TMPRSS11B: variants seen among roughly 807,000 people sequenced by gnomAD.
TMPRSS11B encodes the protein transmembrane protease serine 11B.
TMPRSS11B carries 53 observed loss-of-function variants against 44.7 expected under a neutral mutation model. The observed-to-expected ratio is 1.19, with a 90% confidence interval of 0.95 to 1.49. The LOEUF (loss-of-function observed/expected upper bound fraction) is 1.49. Ranked by LOEUF, TMPRSS11B falls within the 40% of genes most tolerant of loss-of-function variation. TMPRSS11B has a pLI of 0.00. For missense variants in TMPRSS11B, 526 were observed against 494.8 expected, an observed-to-expected ratio of 1.06 and a Z score of -0.60; for synonymous variants, 140 against 159.2, an observed-to-expected ratio of 0.88 and a Z score of 0.91.
At chr4:68,231,406 G>C in intron 6 of TMPRSS11B, 26 bp from the exon 7 acceptor site, 2 of 1,566,624 alleles carry the variant, frequency 1.3e-6, no homozygotes, top group East Asian at 2.3e-5. Context: ...ATTTACACGA[G>C]AGCAGGTATC....
chr4:68,234,234 C>T (rs1290230948), intron 5 of TMPRSS11B, among the ~76,000 whole-genome samples: 1 of 151,940 alleles, frequency 6.6e-6, no homozygotes, highest in Non-Finnish European at 1.5e-5. Flanking sequence ...CAAACCCTTC[C>T]AAACTTACAT....
At position 68,228,845 on chromosome 4, in the gene TMPRSS11B, A is replaced by G; in HGVS notation, c.986T>C (p.Ile329Thr). The G allele has an allele frequency of 6.2e-7, 1 of 1,613,796 alleles. No homozygotes were observed. Among genetic ancestry groups the G allele is most frequent in the Non-Finnish European group, 8.5e-7 (1 of 1,179,876 alleles). ...PVILQEDFLKIIDNKICNASY... is the reference protein window; with the variant it reads ...PVILQEDFLKTIDNKICNASY... ...GGCATTGCAAATTTTGTTGTCAATA[A>G]TCTTCAAAAAGTCTTCTTGAAGTAT... is the stretch of plus-strand genomic sequence containing the variant. Residue 329 changes from isoleucine (I) to threonine (T), a missense_variant, in exon 9 of 10, where the codon ATT becomes ACT. Physicochemically the swap from Ile to Thr is moderately conservative, Grantham distance 89. Coordinates refer to ENST00000332644, the MANE Select transcript of TMPRSS11B (RefSeq NM_182502.3).
chr4:68,228,716 C>G, intron 9 of TMPRSS11B, 26 bp downstream of exon 9: 1 of 1,570,904 alleles, frequency 6.4e-7, no homozygotes, highest in Non-Finnish European at 8.6e-7. Flanking sequence ...TGGGAGAAAA[C>G]AACTGGATAA....
intron 2 of TMPRSS11B, among the ~76,000 whole-genome samples, chr4:68,238,275 A>G (rs1335095709): frequency 6.6e-6 from 1 of 152,162 alleles, no homozygotes. Flanking sequence ...TATGGTAACC[A>G]ATATATACAA....
At chr4:68,233,270 C>T (rs1719570100) in intron 5 of TMPRSS11B, among the ~76,000 whole-genome samples, 1 of 151,996 alleles carries the variant, frequency 6.6e-6, no homozygotes, top group South Asian at 2.1e-4. Flanking sequence ...TCACTGGTAA[C>T]GGGGTCTTTA....
At chr4:68,228,132 C>T in intron 9 of TMPRSS11B, 60 bp from the exon 10 acceptor site, 1 of 1,456,268 alleles carries the variant, frequency 6.9e-7, no homozygotes, top group South Asian at 1.4e-5. Context: ...TTTTACCTCT[C>T]CTGTGGAGTT....
chr4:68,233,536 G>T (rs940631099), intron 5 of TMPRSS11B, among the ~76,000 whole-genome samples: 3 of 152,038 alleles, frequency 2.0e-5, no homozygotes, highest in Non-Finnish European at 2.9e-5. Flanking sequence ...GGGAAAGAGG[G>T]ATAGATTGTT....
chr4:68,232,983 T>C (rs564633029), intron 5 of TMPRSS11B, among the ~76,000 whole-genome samples: 8 of 152,164 alleles, frequency 5.3e-5, no homozygotes, highest in Non-Finnish European at 1.0e-4. Context: ...AAAATTATAC[T>C]TCACTGAGCC....
chr4:68,228,917 T>C, intron 8 of TMPRSS11B, 33 bp from the exon 9 acceptor site: 1 of 1,595,818 alleles, frequency 6.3e-7, no homozygotes, highest in Non-Finnish European at 8.5e-7. Flanking sequence ...ATTATGCAGA[T>C]CTTAGACTTT....
chr4:68,239,135 T>C (rs113241991), intron 2 of TMPRSS11B, among the ~76,000 whole-genome samples: 2,499 of 152,340 alleles, frequency 0.016, 60 homozygotes, highest in African/African-American at 0.055. Flanking sequence ...AATGTGACTG[T>C]ATTTGGAGAC....
intron 2 of TMPRSS11B, 67 bp from the exon 3 acceptor site, chr4:68,236,333 A>G (rs1457199293): frequency 2.1e-6 from 2 of 958,440 alleles, no homozygotes; most frequent in Non-Finnish European, 3.2e-6. Context: ...AGCGATTTAT[A>G]CCTCTGCCTC....
chr4:68,228,924 C>A (rs757871674), intron 8 of TMPRSS11B, 40 bp from the exon 9 acceptor site: 2 of 1,589,650 alleles, frequency 1.3e-6, no homozygotes, highest in Admixed American at 1.8e-5. Flanking sequence ...AGATCTTAGA[C>A]TTTGCTGGGA....
chr4:68,244,626 C>T (rs1250899347), intron 1 of TMPRSS11B, among the ~76,000 whole-genome samples: 1 of 152,204 alleles, frequency 6.6e-6, no homozygotes, highest in African/African-American at 2.4e-5. Flanking sequence ...AATCAACTTG[C>T]AATAATGATG....
In TMPRSS11B at chr4:68,231,220, T is replaced by C; in HGVS notation, c.669A>G (p.Ala223=). The change falls in exon 7 of 10, where the codon GCA becomes GCG. Residue 223 remains alanine (A), a synonymous_variant. Transcript: ENST00000332644. ...AAACTTACTTAGCAAAGCAGTGAGC[T>C]GCAGATAATAGCCACCTGCTGCTGA... ...SLISSRWLLS[A]AHCFAKKNNS... The C allele has an allele frequency of 6.2e-7, 1 of 1,609,858 alleles. No individual in the cohort carries two copies. Among genetic ancestry groups the C allele is most frequent in the Non-Finnish European group, 8.5e-7 (1 of 1,178,822 alleles).
chr4:68,237,341 A>G (rs1719700161), intron 2 of TMPRSS11B, among the ~76,000 whole-genome samples: 1 of 152,070 alleles, frequency 6.6e-6, no homozygotes, highest in Non-Finnish European at 1.5e-5. Context: ...TCTATCATTG[A>G]TGGGCATTTG....
At chr4:68,242,676 T>A (rs1038161077) in intron 1 of TMPRSS11B, among the ~76,000 whole-genome samples, 2 of 151,402 alleles carry the variant, frequency 1.3e-5, no homozygotes, top group Non-Finnish European at 1.5e-5. Flanking sequence ...GCTCAACTGA[T>A]CCTCCCACCT....
At chr4:68,240,251 G>A (rs973779023) in intron 2 of TMPRSS11B, among the ~76,000 whole-genome samples, 4 of 152,044 alleles carry the variant, frequency 2.6e-5, no homozygotes, top group African/African-American at 7.2e-5. Context: ...TATTATATTC[G>A]TTCCTAAGCC....
Position 68,229,529 on chromosome 4 carries a change from A to G in TMPRSS11B, c.687-13T>C, listed in dbSNP as rs781383286. 13 of 1,605,688 alleles carry G rather than the reference A, an allele frequency of 8.1e-6. No individual in the cohort carries two copies. The highest frequency in any genetic ancestry group is 4.5e-5 in the South Asian group (4 of 89,624). ...TGAATTATTTTTCCTAGAGGACACA[A>G]TGTAATTAGAATACACTCAGTTGCT... On this transcript the variant is annotated splice_polypyrimidine_tract_variant and intron_variant, in intron 7 of 9. Transcript: ENST00000332644.
chr4:68,232,452 G>A, intron 5 of TMPRSS11B, 36 bp from the exon 6 acceptor site: 1 of 1,594,406 alleles, frequency 6.3e-7, no homozygotes, highest in Non-Finnish European at 8.6e-7. Context: ...ATAAAATTGA[G>A]CAAATATCAC....
Sources: allele counts gnomAD v4.1 joint callset (sites outside exome capture counted in the v4.1 genomes callset), GRCh38; gene constraint gnomAD v4.1.1; transcripts MANE v1.5; gene names NCBI Gene and HGNC (gene_info 2026-07-23, HGNC 2026-07-21).